Variants in TET1 observed in about 807,000 individuals in gnomAD.
TET1 encodes methylcytosine dioxygenase TET1.
TET1 carries 13 observed loss-of-function variants against 148.7 expected under a neutral mutation model. The ratio of observed to expected loss-of-function variants is 0.09; its 90% CI spans 0.06 to 0.14. The LOEUF (loss-of-function observed/expected upper bound fraction) is 0.14. Ranked by LOEUF, TET1 falls within the 10% of genes least tolerant of loss-of-function variation. TET1 has a pLI of 1.00. For missense variants in TET1, 2,182 were observed against 2,553.8 expected (o/e 0.85, Z 3.14); for synonymous variants, 907 against 937.2 (o/e 0.97, Z 0.59).
In TET1 at chr10:68,691,303, A is replaced by T; in HGVS notation, c.5900A>T (p.Asp1967Val). The change falls in exon 12 of 12, where the codon GAT becomes GTT. Residue 1967 changes from aspartate (D) to valine (V), a missense_variant. Asp to Val is a radical substitution (Grantham distance 152). This residue lies in a region of TET1 where 380 missense variants were observed against 387.9 expected (regional missense o/e 0.98). Transcript: ENST00000373644. The surrounding 1 kb of genome is among the most constrained non-coding windows in gnomAD (Gnocchi z 4.4). ...GAAGATGAGCAGCATTCTGAAGCAG[A>T]TGAGCCTCCATCAGACGAACCCCTA... ...MEEDEQHSEA[D>V]EPPSDEPLSD... is the part of the protein sequence containing the mutation. 6.2e-7 allele frequency: 1 copy of T among 1,614,172 alleles called. No individual in the cohort carries two copies. The highest frequency in any genetic ancestry group is 8.5e-7 in the Non-Finnish European group (1 of 1,180,034).
intron 6 of TET1, among the ~76,000 whole-genome samples, chr10:68,663,190 A>T (rs1338086677): frequency 2.6e-5 from 4 of 152,204 alleles, no homozygotes. Context: ...TTACCCTTCC[A>T]TATGAACCTT....
chr10:68,678,024 G>A (rs2055384848), intron 8 of TET1, among the ~76,000 whole-genome samples: 1 of 150,998 alleles, frequency 6.6e-6, no homozygotes, highest in Non-Finnish European at 1.5e-5. Context: ...GCCTTCCAAA[G>A]TCCTGGGATT....
At chr10:68,672,796 T>G (rs898892305) in intron 7 of TET1, 99 bp from the exon 8 acceptor site, 7 of 937,062 alleles carry the variant, frequency 7.5e-6, no homozygotes, top group Non-Finnish European at 1.1e-5. Flanking sequence ...AACCGGTTCT[T>G]TAGGCATCCA....
At chr10:68,672,816 A>C in intron 7 of TET1, 79 bp from the exon 8 acceptor site, 1 of 1,295,756 alleles carries the variant, frequency 7.7e-7, no homozygotes, top group Non-Finnish European at 1.1e-6. Context: ...ATCCTTCTAA[A>C]GCTATAGAAA....
chr10:68,596,011 CACACACACACACACACAT>C (rs1564959029), intron 2 of TET1, among the ~76,000 whole-genome samples: 1 of 105,854 alleles, frequency 9.4e-6, no homozygotes, highest in African/African-American at 3.7e-5. Flanking sequence ...CACACACACA[CACACACACACACACACAT>C]ATATATATAT....
chr10:68,574,884 T>C (rs1477580470), intron 2 of TET1, among the ~76,000 whole-genome samples: 3 of 152,218 alleles, frequency 2.0e-5, no homozygotes, highest in African/African-American at 4.8e-5. Flanking sequence ...GTTCTTATTA[T>C]AGTTTATGAA....
intron 3 of TET1, among the ~76,000 whole-genome samples, chr10:68,626,309 C>G (rs866613354): frequency 6.6e-5 from 10 of 151,284 alleles, no homozygotes; most frequent in African/African-American, 2.4e-4. Flanking sequence ...TTCTGTTTCC[C>G]AGGCTGGAGT....
intron 3 of TET1, 107 bp from the exon 4 acceptor site, chr10:68,644,591 G>C: frequency 9.3e-7 from 1 of 1,080,916 alleles, no homozygotes; most frequent in Non-Finnish European, 1.3e-6. Context: ...AATATTTTAG[G>C]CTGTATCCAC....
At chr10:68,580,821 T>C (rs1186015265) in intron 2 of TET1, among the ~76,000 whole-genome samples, 1 of 145,430 alleles carries the variant, frequency 6.9e-6, no homozygotes, top group Non-Finnish European at 1.5e-5. Flanking sequence ...TATATATATA[T>C]ATGGCGTGAT....
In TET1 at chr10:68,682,901, G is replaced by T; in HGVS notation, c.4980G>T (p.Gly1660=). ...GCAAGGAAGGTCGTCCCTTCTCTGG[G>T]GTCACTGCTTGCCTGGACTTCTGTG... ...LGSKEGRPFS[G]VTACLDFCAH... The change falls in exon 10 of 12, where the codon GGG becomes GGT. Residue 1660 remains glycine, a synonymous_variant. Coordinates refer to ENST00000373644, the MANE Select transcript of TET1 (RefSeq NM_030625.3). 6.2e-7 allele frequency: 1 copy of T among 1,613,754 alleles called. No homozygotes were observed.
intron 3 of TET1, among the ~76,000 whole-genome samples, chr10:68,626,629 C>T (rs1490340272): frequency 6.6e-6 from 1 of 151,976 alleles, no homozygotes; most frequent in Admixed American, 6.6e-5. Context: ...CAGCTCACTG[C>T]AACCTCTGCC....
intron 4 of TET1, among the ~76,000 whole-genome samples, chr10:68,651,519 G>T (rs181068644): frequency 6.6e-6 from 1 of 152,016 alleles, no homozygotes; most frequent in Non-Finnish European, 1.5e-5. Context: ...ATTGTTCTTG[G>T]ATAACTTTTA....
At chr10:68,660,032 C>G (rs2055082825) in intron 6 of TET1, among the ~76,000 whole-genome samples, 1 of 152,128 alleles carries the variant, frequency 6.6e-6, no homozygotes, top group Non-Finnish European at 1.5e-5. Context: ...TACTTTGTCT[C>G]TTACATGATT....
intron 8 of TET1, among the ~76,000 whole-genome samples, chr10:68,679,303 T>C (rs572007080): frequency 2.0e-5 from 3 of 152,352 alleles, no homozygotes; most frequent in African/African-American, 4.8e-5. Context: ...TAATTTGAGA[T>C]GACCTGTTCC....
intron 6 of TET1, among the ~76,000 whole-genome samples, chr10:68,661,196 A>ATTTTTTTTTTTTTT (rs974912892): frequency 1.1e-3 from 89 of 78,612 alleles, no homozygotes; most frequent in African/African-American, 2.5e-3. Flanking sequence ...CGCCTGGCTA[A>ATTTTTTTTTTTTTT]TTTTTTTTTT....
chr10:68,672,479 C>A (rs1173806098), intron 7 of TET1, among the ~76,000 whole-genome samples: 2 of 100,400 alleles, frequency 2.0e-5, no homozygotes. Flanking sequence ...CAGGGCTAGA[C>A]CCCATCTCAA....
intron 11 of TET1, among the ~76,000 whole-genome samples, chr10:68,690,335 C>T (rs978811173): frequency 1.3e-5 from 2 of 152,198 alleles, no homozygotes; most frequent in South Asian, 2.1e-4. Context: ...TGGCCGGGCG[C>T]AGTAGCTCAA....
In TET1 at chr10:68,573,367, A is replaced by G. The variant is rs911870776; in HGVS notation, c.1029A>G (p.Pro343=). The part of the protein sequence containing the change: ...GSKQATLGAK[P]DHQEAFEATA... ...AACAAGCGACCCTTGGTGCTAAACC[A>G]GATCATCAAGAGGCCTTCGAAGCTA... Residue 343 remains proline, a synonymous_variant, in exon 2 of 12, where the codon CCA becomes CCG. Transcript: ENST00000373644. The G allele has an allele frequency of 2.5e-6, 4 of 1,614,048 alleles. No homozygotes were observed. Among genetic ancestry groups the G allele is most frequent in the African/African-American group, 2.7e-5 (2 of 74,920 alleles).
In TET1 at chr10:68,646,054, A is replaced by T. The variant is rs759456837; in HGVS notation, c.3325A>T (p.Thr1109Ser). Reference sequence around the variant, plus strand: ...TGAAAGTACACCAACAAGCCTTGTCACATGTAATGTACAGCAAAAATACAA... The same window carrying T: ...TGAAAGTACACCAACAAGCCTTGTCTCATGTAATGTACAGCAAAAATACAA... ...KVESTPTSLV[T>S]CNVQQKYNQE... Residue 1109 changes from threonine (T) to serine (S), a missense_variant, in exon 4 of 12, where the codon ACA (threonine) becomes TCA (serine). Physicochemically the swap from Thr to Ser is moderately conservative, Grantham distance 58. Coordinates refer to ENST00000373644, the MANE Select transcript of TET1 (RefSeq NM_030625.3). The T allele has an allele frequency of 4.6e-5, 75 of 1,614,048 alleles. No homozygotes were observed. The highest frequency in any genetic ancestry group is 6.0e-5 in the Non-Finnish European group (71 of 1,180,044).
Sources: gnomAD v4.1 joint callset for allele counts (sites outside exome capture counted in the v4.1 genomes callset) on GRCh38, gnomAD v4.1.1 for gene constraint, gnomAD v4.1.1 regional missense constraint, Gnocchi (gnomAD v3.1) non-coding constraint, MANE v1.5 for transcripts, NCBI Gene and HGNC (gene_info 2026-07-23, HGNC 2026-07-21) for gene names.